ERI1: variants seen among roughly 807,000 people sequenced by gnomAD.
ERI1 encodes 3'-5' exoribonuclease 1.
Under a neutral mutation model 39.7 loss-of-function variants are expected in ERI1, and 39 were observed. The observed-to-expected ratio is 0.98, with a 90% CI of 0.76 to 1.28. The LOEUF is 1.28. Ranked by LOEUF, ERI1 falls within the 50% of genes most tolerant of loss-of-function variation. The pLI, the probability that ERI1 is intolerant of heterozygous loss-of-function variation, is 0.00. For missense variants in ERI1, 581 were observed against 416.9 expected, an observed-to-expected ratio of 1.39 and a Z score of -3.43; for synonymous variants, 204 against 149.6, an observed-to-expected ratio of 1.36 and a Z score of -2.65.
chr8:9,078,108 G>A lies in ERI1; in HGVS notation n.300-38240G>A, dbSNP rs546117095. On this transcript the variant is annotated intron_variant and non_coding_transcript_variant, in intron 3 of 3. Coordinates refer to the ERI1 transcript ENST00000518663. ...GGGTTCAAGTGATTCTCCCGCCTCA[G>A]CCTCCCGAGTAGCTGGGACGACATG... Among the ~76,000 whole-genome samples the A allele has an allele frequency of 2.6e-5, 4 of 152,176 alleles. No homozygotes were observed. In the South Asian group the frequency reaches 6.2e-4, roughly 24 times the overall value.
intron 6 of ERI1, among the ~76,000 whole-genome samples, chr8:9,024,407 C>CTTTTCTTTTCTTTTCTTTTCTTT (rs1554519008): frequency 4.8e-4 from 73 of 151,162 alleles, no homozygotes; most frequent in African/African-American, 1.7e-3. Flanking sequence ...CTTCTTTTTT[C>CTTTTCTTTTCTTTTCTTTTCTTT]TCTTTTCTTT....
At chr8:9,019,194 G>T (rs1817624829) in intron 5 of ERI1, among the ~76,000 whole-genome samples, 2 of 152,176 alleles carry the variant, frequency 1.3e-5, no homozygotes, top group African/African-American at 2.4e-5. Flanking sequence ...GACAGACGTT[G>T]TGCCAGGGCA....
At chr8:9,078,609 GTTT>G (rs770386195) in intron 3 of ERI1, among the ~76,000 whole-genome samples, 2 of 152,124 alleles carry the variant, frequency 1.3e-5, no homozygotes, top group African/African-American at 2.4e-5. Context: ...TCAAAAGAGG[GTTT>G]TATCCATTAG....
chr8:9,017,429 G>A (rs1011654922), intron 4 of ERI1, among the ~76,000 whole-genome samples: 8 of 152,080 alleles, frequency 5.3e-5, no homozygotes, highest in Admixed American at 4.6e-4. Context: ...TTCACTCCAC[G>A]TGTATTTGAG....
At chr8:9,026,015 A>T (rs1393248804) in intron 6 of ERI1, among the ~76,000 whole-genome samples, 3 of 152,170 alleles carry the variant, frequency 2.0e-5, no homozygotes, top group Admixed American at 6.5e-5. Flanking sequence ...TGATATGGAC[A>T]GTCTGGTTGT....
intron 3 of ERI1, among the ~76,000 whole-genome samples, chr8:9,090,788 A>C (rs1024488775): frequency 6.6e-6 from 1 of 152,216 alleles, no homozygotes; most frequent in East Asian, 1.9e-4. Context: ...AACAACAACA[A>C]CACAATAAAA....
At position 9,020,434 on chromosome 8, in the gene ERI1, T is replaced by C. The variant is rs1817759169; in HGVS notation, c.777T>C (p.Asn259=). The change falls in exon 6 of 7, where the codon AAT becomes AAC. Residue 259 remains asparagine (N), a synonymous_variant. Coordinates refer to ENST00000250263, the MANE Select transcript of ERI1 (RefSeq NM_153332.4). ...CTCCTTTTGCGAAAAAGTGGATCAA[T>C]ATTCGGAAGTCATATGGAAATTTTT... The part of the protein sequence containing the change: ...KYPPFAKKWI[N]IRKSYGNFYK... 4 of 1,605,388 alleles carry C rather than the reference T, an allele frequency of 2.5e-6. No homozygotes were observed. In the Admixed American group the frequency reaches 6.8e-5, roughly 27 times the overall value.
rs1441317532 is a variant in ERI1 at position 9,031,490 on chromosome 8, A to G, written c.*1456A>G. The G allele has an allele frequency of 6.6e-6, 1 of 152,234 alleles. No homozygotes were observed. The highest frequency in any genetic ancestry group is 2.4e-5 in the African/African-American group (1 of 41,460). 9.4% of individuals were successfully genotyped at this position (152,234 alleles called of 1,614,324 possible). A position where few individuals can be genotyped will look rare whatever the true frequency, so the allele number is the denominator to read the frequency against. ...AAATCTAAGTGCTTTAAGTTTATAC[A>G]GTTAACTCTTAGGATAAGAGGGATG... On this transcript the variant is annotated 3_prime_UTR_variant, in exon 7 of 7. Transcript: ENST00000250263.
intron 3 of ERI1, among the ~76,000 whole-genome samples, chr8:9,040,465 CTT>C (rs528557793): frequency 6.6e-6 from 1 of 152,096 alleles, no homozygotes; most frequent in African/African-American, 2.4e-5. Flanking sequence ...TGAGTGGTGT[CTT>C]TGTTTTGTAG....
intron 3 of ERI1, among the ~76,000 whole-genome samples, chr8:9,078,921 C>T (rs113548500): frequency 5.3e-5 from 8 of 152,206 alleles, no homozygotes; most frequent in Non-Finnish European, 7.4e-5. Context: ...AGGAGAGAAT[C>T]GCTACTAGTG....
Position 9,088,005 on chromosome 8 carries a change from A to T in ERI1, n.300-28343A>T, listed in dbSNP as rs191980914. 1.4e-4 allele frequency among the ~76,000 whole-genome samples: 21 copies of T among 152,338 alleles called. No individual in the cohort carries two copies. The East Asian group carries it at 3.9e-3, about 28-fold the overall frequency. On this transcript the variant is annotated intron_variant and non_coding_transcript_variant, in intron 3 of 3. Coordinates refer to the ERI1 transcript ENST00000518663. ...TCCTGGCAGATTTAAAAAGAATGGC[A>T]TATACGCCTACAGGTGCACAGAGCT...
At chr8:9,018,261 C>A (rs550750457) in intron 4 of ERI1, 36 bp from the exon 5 acceptor site, 2 of 1,285,424 alleles carry the variant, frequency 1.6e-6, no homozygotes, top group African/African-American at 1.5e-5. Flanking sequence ...GAAGCTGCAG[C>A]CCTGATTTTT....
Position 9,066,230 on chromosome 8 carries a change from A to G in ERI1, n.299+45766A>G, listed in dbSNP as rs111448313. 6.6e-5 allele frequency among the ~76,000 whole-genome samples: 10 copies of G among 151,420 alleles called. No individual in the cohort carries two copies. In the South Asian group the frequency reaches 1.9e-3, roughly 28 times the overall value. Reference sequence around the variant, plus strand: ...TCAGCCTCATCTCCCCATTTTCTTCATTGGGGTTCCCACTAGCAGGGGCAT... The same window carrying G: ...TCAGCCTCATCTCCCCATTTTCTTCGTTGGGGTTCCCACTAGCAGGGGCAT... On this transcript the variant is annotated intron_variant and non_coding_transcript_variant, in intron 3 of 3. Coordinates refer to the ERI1 transcript ENST00000518663.
At chr8:9,037,038 T>A (rs1487497545), downstream of ERI1, among the ~76,000 whole-genome samples, 1 of 152,176 alleles carries the variant, frequency 6.6e-6, no homozygotes, top group East Asian at 1.9e-4. Flanking sequence ...CTACACAGAC[T>A]ATTGCTAAAA....
chr8:9,013,271 T>A (rs1816864628), intron 3 of ERI1, among the ~76,000 whole-genome samples: 1 of 149,874 alleles, frequency 6.7e-6, no homozygotes, highest in African/African-American at 2.5e-5. Flanking sequence ...TGCCTCAGGT[T>A]CCCCAAGTGC....
At position 9,007,932 on chromosome 8, in the gene ERI1, ATCCTTTTTTTTTTTTTT is replaced by A. The variant is rs2117182860; in HGVS notation, c.109-36_109-20del. ...GATGTTTGTACTAATTATAAACTAC[ATCCTTTTTTTTTTTTTT>A]TTTTTTTTTTTTTTTGGTAGGAAAC... On this transcript the variant is annotated intron_variant, in intron 1 of 6. Transcript: ENST00000250263. The A allele has an allele frequency of 1.2e-4, 178 of 1,529,212 alleles. 2 individuals carry two copies. Among genetic ancestry groups the A allele is most frequent in the Admixed American group, 3.1e-4 (13 of 42,522 alleles). The allele number at this position is 1,529,212 out of a possible 1,614,324, so 94.7% of individuals were successfully genotyped here. A position where few individuals can be genotyped will look rare whatever the true frequency, so the allele number is the denominator to read the frequency against.
In ERI1 at chr8:9,032,728, A is replaced by G. The variant is rs1366689770; in HGVS notation, c.*2694A>G. On this transcript the variant is annotated 3_prime_UTR_variant, in exon 7 of 7. Transcript: ENST00000250263. ...CCCCAAAATGATAATGCAAAACAGA[A>G]TAATTTGGAGACCAGGAGAAAAACT... is the stretch of plus-strand genomic sequence containing the variant. The G allele has an allele frequency of 6.6e-6, 1 of 152,230 alleles. No homozygotes were observed. Among genetic ancestry groups the G allele is most frequent in the African/African-American group, 2.4e-5 (1 of 41,468 alleles). The allele number at this position is 152,230 out of a possible 1,614,324, so 9.4% of individuals were successfully genotyped here.
At chr8:9,082,763 A>T (rs1484377431) in intron 3 of ERI1, among the ~76,000 whole-genome samples, 2 of 152,190 alleles carry the variant, frequency 1.3e-5, no homozygotes, top group Non-Finnish European at 2.9e-5. Flanking sequence ...TCTAACGTCT[A>T]GGAGAAAGTC....
intron 4 of ERI1, among the ~76,000 whole-genome samples, chr8:9,017,076 G>A (rs190743324): frequency 5.7e-4 from 86 of 152,088 alleles, no homozygotes; most frequent in African/African-American, 1.9e-3. Flanking sequence ...GTCTCACTCT[G>A]TTGCCCAGGC....
Sources: gnomAD v4.1 joint callset for allele counts (sites outside exome capture counted in the v4.1 genomes callset) on GRCh38, gnomAD v4.1.1 for gene constraint, MANE v1.5 for transcripts, NCBI Gene and HGNC (gene_info 2026-07-23, HGNC 2026-07-21) for gene names.